A2ML1: variants seen among roughly 807,000 people sequenced by gnomAD.
The protein encoded by A2ML1 is alpha-2-macroglobulin-like protein 1.
A2ML1 carries 161 observed loss-of-function variants against 181.9 expected under a neutral mutation model. The observed-to-expected ratio is 0.89, with a 90% CI of 0.78 to 1.01. The LOEUF (loss-of-function observed/expected upper bound fraction) is 1.01, where lower values mean the gene tolerates loss of function less well. Among genes scored for constraint, A2ML1 ranks in the 50% least tolerant of loss-of-function variants. A2ML1 has a pLI of 0.00. For synonymous variants in A2ML1, 663 were observed against 666.8 expected (o/e 0.99, Z 0.09); for missense variants, 1,670 against 1,768.1 (o/e 0.94, Z 1.00).
intron 20 of A2ML1, among the ~76,000 whole-genome samples, chr12:8,853,832 T>G (rs1257798705): frequency 6.6e-6 from 1 of 152,196 alleles, no homozygotes; most frequent in Non-Finnish European, 1.5e-5. Context: ...CACCCTGTTC[T>G]CTTTAACAGA....
chr12:8,861,003 T>C, intron 27 of A2ML1, 48 bp downstream of exon 27: 1 of 1,610,218 alleles, frequency 6.2e-7, no homozygotes, highest in Non-Finnish European at 8.5e-7. Flanking sequence ...CTCATGCGTA[T>C]TCCTAGAGAC....
chr12:8,874,621 C>A, intron 34 of A2ML1, 94 bp downstream of exon 34: 1 of 948,382 alleles, frequency 1.1e-6, no homozygotes. Context: ...CTTAATTTTA[C>A]AAATACTCCT....
chr12:8,883,487 T>C (rs912139867), intron 7 of A2ML1, among the ~76,000 whole-genome samples: 1 of 151,896 alleles, frequency 6.6e-6, no homozygotes, highest in Non-Finnish European at 1.5e-5. Flanking sequence ...CTCTCTCTCT[T>C]TTTTTTTGAG....
intron 1 of A2ML1, 87 bp downstream of exon 1, chr12:8,822,800 C>T: frequency 7.7e-7 from 1 of 1,291,358 alleles, no homozygotes; most frequent in South Asian, 1.2e-5. Flanking sequence ...ATGGGGAGAT[C>T]AACTTTGGTT....
At position 8,838,353 on chromosome 12, in the gene A2ML1, T is replaced by C. The variant is rs2136781302; in HGVS notation, c.873T>C (p.Cys291=). Residue 291 remains cysteine (C), a synonymous_variant, in exon 9 of 36, where the codon TGT becomes TGC. Transcript: ENST00000299698. ...NLSGQTDKTG[C]FSAPVDMATF... ...CTCACTAGACTGACAAAACAGGATG[T>C]TTCTCAGCACCTGTGGACATGGCCA... 6.2e-7 allele frequency: 1 copy of C among 1,613,540 alleles called. No individual in the cohort carries two copies. Among genetic ancestry groups the C allele is most frequent in the South Asian group, 1.1e-5 (1 of 90,892 alleles).
downstream of A2ML1, among the ~76,000 whole-genome samples, chr12:8,879,163 G>A (rs1336394354): frequency 1.3e-5 from 2 of 151,988 alleles, no homozygotes; most frequent in East Asian, 1.9e-4. Context: ...TGCCTCTTGG[G>A]TATCAAAGGA....
At chr12:8,842,474 C>T (rs1027395830) in intron 11 of A2ML1, among the ~76,000 whole-genome samples, 1 of 152,238 alleles carries the variant, frequency 6.6e-6, no homozygotes, top group Admixed American at 6.5e-5. Flanking sequence ...CCGCCTTGGC[C>T]TCCCAAAGTG....
chr12:8,871,894 A>G (rs1337686130), intron 33 of A2ML1, among the ~76,000 whole-genome samples: 1 of 151,992 alleles, frequency 6.6e-6, no homozygotes, highest in African/African-American at 2.4e-5. Flanking sequence ...TAAAACTGCT[A>G]CCTGGCCGGG....
rs372846469 is a variant in A2ML1 at position 8,865,407 on chromosome 12, C to T, written c.3717+1399C>T. On this transcript the variant is annotated intron_variant, in intron 29 of 35. Coordinates refer to ENST00000299698, the MANE Select transcript of A2ML1 (RefSeq NM_144670.6). ...ATACAAAATTAGCCAGGCGTGGTGG[C>T]GGGTGCCTGTAATCCCAGCTACCTG... 2.4e-4 allele frequency among the ~76,000 whole-genome samples: 36 copies of T among 152,192 alleles called. No individual in the cohort carries two copies. In the East Asian group the frequency reaches 5.8e-3, roughly 25 times the overall value.
chr12:8,839,097 TG>T lies in A2ML1; in HGVS notation c.971-14del. Reference sequence around the variant, plus strand: ...TCAGGTGCCTAGATCTTTATACATCTGGTTTCCCTCTGCAGGTGTGGAGGCC... The same window carrying T: ...TCAGGTGCCTAGATCTTTATACATCTGTTTCCCTCTGCAGGTGTGGAGGCC... On this transcript the variant is annotated splice_polypyrimidine_tract_variant and intron_variant, in intron 9 of 35. Transcript: ENST00000299698. 1 of 1,566,818 alleles carries T rather than the reference TG, an allele frequency of 6.4e-7. No individual in the cohort carries two copies. The highest frequency in any genetic ancestry group is 8.8e-7 in the Non-Finnish European group (1 of 1,142,198).
At chr12:8,868,457 C>CGTGTGTGTGT (rs3079166) in intron 31 of A2ML1, 80 bp from the exon 32 acceptor site, 9 of 1,443,190 alleles carry the variant, frequency 6.2e-6, no homozygotes, top group African/African-American at 5.6e-5. Flanking sequence ...TGTGTGTGTA[C>CGTGTGTGTGT]GTGTGTGTGT....
At position 8,876,625 on chromosome 12, in the gene A2ML1, A is replaced by T. The variant is rs1237374376; in HGVS notation, c.*569A>T. 2.6e-5 allele frequency: 4 copies of T among 152,158 alleles called. No homozygotes were observed. Among genetic ancestry groups the T allele is most frequent in the Admixed American group, 2.6e-4 (4 of 15,242 alleles). 9.4% of individuals were successfully genotyped at this position (152,158 alleles called of 1,614,324 possible). A position where few individuals can be genotyped will look rare whatever the true frequency, so the allele number is the denominator to read the frequency against. ...GAGGTGGAGGTTGCAGTGAGCTGAG[A>T]TTGTGCCACTGCACTCCAGCCTGGG... On this transcript the variant is annotated 3_prime_UTR_variant, in exon 36 of 36. Coordinates refer to ENST00000299698, the MANE Select transcript of A2ML1 (RefSeq NM_144670.6).
Position 8,852,429 on chromosome 12 carries a change from G to T in A2ML1, c.2590+93G>T, listed in dbSNP as rs1943925697. 3.2e-6 allele frequency: 5 copies of T among 1,547,154 alleles called. No homozygotes were observed. In the South Asian group the frequency reaches 3.7e-5, roughly 11 times the overall value. On this transcript the variant is annotated intron_variant, in intron 20 of 35. Coordinates refer to ENST00000299698, the MANE Select transcript of A2ML1 (RefSeq NM_144670.6). This position sits in a 1 kb window ranked among gnomAD's most constrained non-coding sequence, Gnocchi z 4.2. ...TCTTTTCCTCTGCCACATCTGCTTT[G>T]CTTCCTCCTCCATTTTCCACTATTT...
At chr12:8,854,684 G>A in intron 21 of A2ML1, 96 bp from the exon 22 acceptor site, 3 of 1,345,616 alleles carry the variant, frequency 2.2e-6, no homozygotes, top group Non-Finnish European at 2.1e-6. Context: ...GGGAAGCCCT[G>A]GGGGCACAGC....
chr12:8,882,908 A>T (rs1207145816), intron 7 of A2ML1, among the ~76,000 whole-genome samples: 1 of 152,168 alleles, frequency 6.6e-6, no homozygotes, highest in African/African-American at 2.4e-5. Context: ...GCAGACTTTC[A>T]TGACTATTTT....
At chr12:8,879,137 A>C (rs1192810245), downstream of A2ML1, among the ~76,000 whole-genome samples, 5 of 152,080 alleles carry the variant, frequency 3.3e-5, no homozygotes, top group African/African-American at 1.2e-4. Context: ...TATGCAAAGG[A>C]GGTCATTCCC....
intron 10 of A2ML1, among the ~76,000 whole-genome samples, chr12:8,840,357 CAAA>C (rs11296029): frequency 2.1e-4 from 28 of 132,858 alleles, no homozygotes; most frequent in Non-Finnish European, 2.9e-4. Context: ...GAGACTGTCT[CAAA>C]AAAAAAAAAA....
intron 4 of A2ML1, among the ~76,000 whole-genome samples, chr12:8,832,721 GA>G (rs2136747212): frequency 6.6e-6 from 1 of 152,312 alleles, no homozygotes; most frequent in African/African-American, 2.4e-5. Flanking sequence ...TTCCTGCTGA[GA>G]GGGGGCGTAG....
intron 33 of A2ML1, among the ~76,000 whole-genome samples, chr12:8,870,417 G>A (rs759031509): frequency 6.6e-6 from 1 of 152,016 alleles, no homozygotes; most frequent in South Asian, 2.1e-4. Context: ...ACATGCGCCC[G>A]CCACCATGCC....
Sources: gnomAD v4.1 joint callset for allele counts (sites outside exome capture counted in the v4.1 genomes callset) on GRCh38, gnomAD v4.1.1 for gene constraint, Gnocchi (gnomAD v3.1) non-coding constraint, MANE v1.5 for transcripts, NCBI Gene and HGNC (gene_info 2026-07-23, HGNC 2026-07-21) for gene names.